Variants in CADPS2 observed in about 807,000 individuals in gnomAD.
The protein encoded by CADPS2 is calcium dependent secretion activator 2.
A neutral mutation model predicts 172.5 loss-of-function variants in CADPS2; 93 were observed. That is an observed-to-expected ratio of 0.54 (90% CI 0.46 to 0.64). The LOEUF is 0.64. CADPS2 is among the 30% of genes least tolerant of loss of function. CADPS2 has a pLI of 0.00. For synonymous variants in CADPS2, 546 were observed against 555.2 expected (o/e 0.98, Z 0.23); for missense variants, 1,420 against 1,565.9 (o/e 0.91, Z 1.57).
At chr7:122,533,438 T>A (rs548537561) in intron 8 of CADPS2, among the ~76,000 whole-genome samples, 1 of 152,174 alleles carries the variant, frequency 6.6e-6, no homozygotes, top group Non-Finnish European at 1.5e-5. Context: ...CTATTTTAAA[T>A]GTACACCCAT....
At chr7:122,415,843 T>C (rs1348686879) in intron 18 of CADPS2, among the ~76,000 whole-genome samples, 8 of 152,210 alleles carry the variant, frequency 5.3e-5, no homozygotes, top group Admixed American at 3.3e-4. Flanking sequence ...CTTTGTAATA[T>C]ATAGGAGTTA....
chr7:122,457,691 G>A (rs888159555), intron 14 of CADPS2, among the ~76,000 whole-genome samples: 2 of 152,078 alleles, frequency 1.3e-5, no homozygotes, highest in African/African-American at 4.8e-5. Flanking sequence ...TAGTGCTGAC[G>A]AGCATCCGTT....
At chr7:122,403,010 C>T (rs543442369) in intron 20 of CADPS2, among the ~76,000 whole-genome samples, 7 of 152,196 alleles carry the variant, frequency 4.6e-5, no homozygotes, top group Non-Finnish European at 8.8e-5. Context: ...AATAGAAGTT[C>T]AATATTTTCC....
chr7:122,808,863 A>T (rs1016161938), intron 1 of CADPS2, among the ~76,000 whole-genome samples: 1 of 152,218 alleles, frequency 6.6e-6, no homozygotes, highest in African/African-American at 2.4e-5. Flanking sequence ...TAGGAAATAT[A>T]AGCTTATTTA....
chr7:122,674,356 A>C (rs982127976), intron 2 of CADPS2, among the ~76,000 whole-genome samples: 5 of 152,212 alleles, frequency 3.3e-5, no homozygotes, highest in African/African-American at 1.2e-4. Context: ...AAGAGCGAGC[A>C]AGGGCTGCTA....
At chr7:122,521,586 T>G (rs2060801047) in intron 8 of CADPS2, among the ~76,000 whole-genome samples, 1 of 151,990 alleles carries the variant, frequency 6.6e-6, no homozygotes, top group African/African-American at 2.4e-5. Context: ...TTCTGGTTGG[T>G]TATTATAGGC....
At chr7:122,770,267 G>A (rs1056109714) in intron 1 of CADPS2, among the ~76,000 whole-genome samples, 3 of 151,984 alleles carry the variant, frequency 2.0e-5, no homozygotes, top group East Asian at 3.9e-4. Flanking sequence ...CCTATATCAT[G>A]CAAATCATGA....
chr7:122,348,947 G>A (rs1283661809), intron 27 of CADPS2, among the ~76,000 whole-genome samples: 4 of 152,146 alleles, frequency 2.6e-5, no homozygotes, highest in Non-Finnish European at 5.9e-5. Flanking sequence ...GCTCCCATGT[G>A]CTAAGACTCT....
At chr7:122,727,709 T>G (rs2091248288) in intron 2 of CADPS2, among the ~76,000 whole-genome samples, 1 of 151,938 alleles carries the variant, frequency 6.6e-6, no homozygotes, top group Admixed American at 6.6e-5. Context: ...CCATCAAGAA[T>G]GCAGGCAACT....
intron 1 of CADPS2, among the ~76,000 whole-genome samples, chr7:122,868,595 C>A (rs758774637): frequency 2.0e-5 from 3 of 152,080 alleles, no homozygotes; most frequent in South Asian, 2.1e-4. Context: ...AGATCTTTTA[C>A]GCAAGACCAC....
intron 3 of CADPS2, among the ~76,000 whole-genome samples, chr7:122,633,730 G>A (rs1324642824): frequency 2.0e-5 from 3 of 152,038 alleles, no homozygotes; most frequent in African/African-American, 7.2e-5. Flanking sequence ...CTAGTACTAC[G>A]TTGAACAGGA....
intron 6 of CADPS2, among the ~76,000 whole-genome samples, chr7:122,595,859 C>T (rs1308869417): frequency 6.6e-6 from 1 of 151,982 alleles, no homozygotes; most frequent in East Asian, 1.9e-4. Flanking sequence ...TTGAAAAGAG[C>T]CAAAAACACC....
At chr7:122,360,651 A>T in intron 27 of CADPS2, 137 bp downstream of exon 27, 1 of 711,644 alleles carries the variant, frequency 1.4e-6, no homozygotes, top group Non-Finnish European at 2.3e-6. Context: ...TATGAAGGTT[A>T]GTGCTTGCTT....
chr7:122,433,554 C>T (rs1192291325), intron 17 of CADPS2, among the ~76,000 whole-genome samples: 2 of 151,932 alleles, frequency 1.3e-5, no homozygotes, highest in African/African-American at 4.8e-5. Context: ...CAGGCATGCA[C>T]CCCCACTCCA....
At chr7:122,486,230 C>T (rs373181814) in intron 11 of CADPS2, among the ~76,000 whole-genome samples, 1 of 152,072 alleles carries the variant, frequency 6.6e-6, no homozygotes, top group South Asian at 2.1e-4. Context: ...AGCTGCCATA[C>T]ATAGTAATTC....
chr7:122,532,763 A>G (rs974118917), intron 8 of CADPS2, among the ~76,000 whole-genome samples: 12 of 152,216 alleles, frequency 7.9e-5, no homozygotes, highest in Admixed American at 7.2e-4. Flanking sequence ...TATTTTATCT[A>G]AAAGTATACA....
intron 14 of CADPS2, among the ~76,000 whole-genome samples, chr7:122,452,808 AAAAC>A (rs1203046893): frequency 1.3e-5 from 2 of 152,214 alleles, no homozygotes; most frequent in Admixed American, 1.3e-4. Context: ...GGAATTATTG[AAAAC>A]AAAGAAAAAT....
At chr7:122,603,942 G>T (rs1446246215) in intron 6 of CADPS2, among the ~76,000 whole-genome samples, 1 of 152,012 alleles carries the variant, frequency 6.6e-6, no homozygotes, top group Non-Finnish European at 1.5e-5. Context: ...GTTATAAGAT[G>T]AACAAGTTCT....
intron 1 of CADPS2, among the ~76,000 whole-genome samples, chr7:122,868,480 A>C (rs1034391576): frequency 6.6e-6 from 1 of 152,162 alleles, no homozygotes; most frequent in Non-Finnish European, 1.5e-5. Context: ...TCTCAAGGCA[A>C]TATCATGACT....
Sources: allele counts gnomAD v4.1 joint callset (sites outside exome capture counted in the v4.1 genomes callset), GRCh38; gene constraint gnomAD v4.1.1; transcripts MANE v1.5; gene names NCBI Gene and HGNC (gene_info 2026-07-23, HGNC 2026-07-21).